SSUH2: variants seen among roughly 807,000 people sequenced by gnomAD.
SSUH2 encodes protein SSUH2 homolog.
A neutral mutation model predicts 55.3 loss-of-function variants in SSUH2; 47 were observed. The observed-to-expected ratio is 0.85, with a 90% CI of 0.67 to 1.08. The LOEUF (loss-of-function observed/expected upper bound fraction) is 1.08. SSUH2 is among the 50% of genes least tolerant of loss of function. The pLI is 0.00. For missense variants in SSUH2, 535 were observed against 490.7 expected, an observed-to-expected ratio of 1.09 and a Z score of -0.85; for synonymous variants, 212 against 191.5, an observed-to-expected ratio of 1.11 and a Z score of -0.89.
At chr3:8,640,461 G>A (rs1227775049) in intron 1 of SSUH2, among the ~76,000 whole-genome samples, 1 of 152,144 alleles carries the variant, frequency 6.6e-6, no homozygotes. Context: ...AATTTGGCAG[G>A]TAAGGTCCCT....
At chr3:8,628,571 A>G (rs769429590) in intron 7 of SSUH2, among the ~76,000 whole-genome samples, 1 of 152,204 alleles carries the variant, frequency 6.6e-6, no homozygotes, top group Non-Finnish European at 1.5e-5. Flanking sequence ...AGGTCATATG[A>G]CAAGGTAGGG....
intron 3 of SSUH2, among the ~76,000 whole-genome samples, chr3:8,674,973 G>A (rs1312609874): frequency 6.6e-6 from 1 of 152,140 alleles, no homozygotes; most frequent in African/African-American, 2.4e-5. Context: ...AAGGTATCCA[G>A]GTCCGTCTCA....
chr3:8,666,955 G>A (rs544604873), intron 5 of SSUH2, among the ~76,000 whole-genome samples: 1 of 152,342 alleles, frequency 6.6e-6, no homozygotes, highest in East Asian at 1.9e-4. Flanking sequence ...GAGACTTGTA[G>A]GGTGCAGAGC....
intron 8 of SSUH2, 78 bp from the exon 9 acceptor site, chr3:8,626,399 C>T (rs1697535811): frequency 2.8e-6 from 3 of 1,055,904 alleles, no homozygotes; most frequent in Admixed American, 3.5e-5. Flanking sequence ...CCTGCACCCC[C>T]TTCCTCCTGG....
upstream of SSUH2, among the ~76,000 whole-genome samples, chr3:8,646,478 A>G (rs1701693645): frequency 6.6e-6 from 1 of 152,236 alleles, no homozygotes; most frequent in South Asian, 2.1e-4. Flanking sequence ...AAATGCAGAC[A>G]ACGCTGAGCT....
At position 8,623,665 on chromosome 3, in the gene SSUH2, AAG is replaced by A. The variant is rs769994180; in HGVS notation, c.874-11_874-10del. ...TCCACGATGGGGTACACCTGGGGGAAAGAGAGAGAGACACAGACCACCTGGCT... is the reference window on the plus strand; with the variant it reads ...TCCACGATGGGGTACACCTGGGGGAAAGAGAGAGACACAGACCACCTGGCT... On this transcript the variant is annotated splice_polypyrimidine_tract_variant and intron_variant, in intron 10 of 11. Coordinates refer to ENST00000544814, the MANE Select transcript of SSUH2 (RefSeq NM_001256748.3). 89 of 1,454,292 alleles carry A rather than the reference AAG, an allele frequency of 6.1e-5. No homozygotes were observed. The highest frequency in any genetic ancestry group is 1.7e-4 in the Middle Eastern group (1 of 5,734). 90.1% of individuals were successfully genotyped at this position (1,454,292 alleles called of 1,614,324 possible).
intron 5 of SSUH2, among the ~76,000 whole-genome samples, chr3:8,669,384 C>T (rs1362669761): frequency 6.6e-6 from 1 of 152,098 alleles, no homozygotes; most frequent in Non-Finnish European, 1.5e-5. Flanking sequence ...CAGAAGAATT[C>T]CAGTTAACAA....
chr3:8,661,217 T>C (rs1300717060), intron 6 of SSUH2, among the ~76,000 whole-genome samples: 4 of 152,248 alleles, frequency 2.6e-5, no homozygotes, highest in African/African-American at 9.6e-5. Context: ...TGCACCTCTG[T>C]GCTTTCACTC....
At chr3:8,650,605 A>G (rs1465898459) in intron 7 of SSUH2, among the ~76,000 whole-genome samples, 2 of 152,202 alleles carry the variant, frequency 1.3e-5, no homozygotes, top group African/African-American at 4.8e-5. Flanking sequence ...GTTTCTAGAC[A>G]TTTACTTCTT....
At chr3:8,676,808 G>A (rs79843581) in intron 3 of SSUH2, among the ~76,000 whole-genome samples, 1 of 148,244 alleles carries the variant, frequency 6.7e-6, no homozygotes, top group African/African-American at 2.6e-5. Context: ...CCCCAGTGAG[G>A]CGGGGACTGA....
upstream of SSUH2, among the ~76,000 whole-genome samples, chr3:8,648,226 A>G (rs1284058511): frequency 6.6e-6 from 1 of 152,216 alleles, no homozygotes; most frequent in Non-Finnish European, 1.5e-5. Flanking sequence ...GACTTACCCA[A>G]GGTCACACAG....
At chr3:8,671,526 C>T (rs1307066169) in intron 4 of SSUH2, among the ~76,000 whole-genome samples, 10 of 152,008 alleles carry the variant, frequency 6.6e-5, no homozygotes, top group Non-Finnish European at 1.5e-4. Context: ...AAAGTAACCT[C>T]CCCTTAGGAG....
chr3:8,633,387 T>C (rs1456208470), intron 4 of SSUH2, among the ~76,000 whole-genome samples: 2 of 41,996 alleles, frequency 4.8e-5, no homozygotes, highest in Non-Finnish European at 1.4e-4. Flanking sequence ...CAGGTGATCC[T>C]GACCTCAGGT....
At chr3:8,681,182 CAAG>C (rs1705918391) in intron 1 of SSUH2, among the ~76,000 whole-genome samples, 5 of 134,026 alleles carry the variant, frequency 3.7e-5, no homozygotes, top group Non-Finnish European at 8.5e-5. Context: ...TCACCCCATG[CAAG>C]GCGGGGAATG....
At position 8,632,065 on chromosome 3, in the gene SSUH2, T is replaced by G; in HGVS notation, c.384A>C (p.Thr128=). Residue 128 remains threonine, a synonymous_variant, in exon 5 of 12, where the codon ACA becomes ACC. Coordinates refer to ENST00000544814, the MANE Select transcript of SSUH2 (RefSeq NM_001256748.3). ...TTCACTTACTAGTAAAGGGTTGAAA[T>G]GTCCACTCGCTTATCCTGGATTCAC... ...TFSESRISEW[T]FQPFTNHSVD... is the part of the protein sequence containing the mutation. 6.2e-7 allele frequency: 1 copy of G among 1,614,046 alleles called. No homozygotes were observed. The highest frequency in any genetic ancestry group is 8.5e-7 in the Non-Finnish European group (1 of 1,179,944).
chr3:8,642,400 C>T (rs545524653), intron 1 of SSUH2, among the ~76,000 whole-genome samples: 28 of 152,166 alleles, frequency 1.8e-4, no homozygotes, highest in Non-Finnish European at 3.5e-4. Flanking sequence ...AGCCTGGAAT[C>T]AAGACCAAAG....
chr3:8,656,446 G>C (rs1263664145), intron 7 of SSUH2, among the ~76,000 whole-genome samples: 1 of 152,200 alleles, frequency 6.6e-6, no homozygotes, highest in Admixed American at 6.5e-5. Flanking sequence ...TATGGATTGA[G>C]CGTTCCAATT....
At chr3:8,666,430 G>A (rs1425549841) in intron 5 of SSUH2, among the ~76,000 whole-genome samples, 1 of 152,130 alleles carries the variant, frequency 6.6e-6, no homozygotes, top group African/African-American at 2.4e-5. Flanking sequence ...AGACCGTCAG[G>A]GAAGAAACAC....
chr3:8,628,362 G>A (rs997396429), intron 7 of SSUH2, among the ~76,000 whole-genome samples: 6 of 152,266 alleles, frequency 3.9e-5, no homozygotes, highest in South Asian at 2.1e-4. Flanking sequence ...ACCAAAGAAC[G>A]CGAGAAGTTT....
Sources: gnomAD v4.1 joint callset for allele counts (sites outside exome capture counted in the v4.1 genomes callset) on GRCh38, gnomAD v4.1.1 for gene constraint, MANE v1.5 for transcripts, NCBI Gene and HGNC (gene_info 2026-07-23, HGNC 2026-07-21) for gene names.